The following CCDC158 variants were observed in gnomAD, a reference collection of about 807,000 sequenced individuals.
CCDC158 encodes the protein coiled-coil domain-containing protein 158.
In CCDC158, 116 loss-of-function variants were observed where a neutral mutation model predicts 138.6. That is an observed-to-expected ratio of 0.84 (90% CI 0.72 to 0.98). The LOEUF is 0.98. CCDC158 is among the 50% of genes least tolerant of loss of function. The probability of loss-of-function intolerance (pLI) is 0.00; values close to 1 mark genes in which losing one functional copy is unlikely to be tolerated. For synonymous variants in CCDC158, 436 were observed against 442.4 expected (o/e 0.99, Z 0.18); for missense variants, 1,265 against 1,306.1 (o/e 0.97, Z 0.48).
intron 18 of CCDC158, among the ~76,000 whole-genome samples, chr4:76,343,375 AG>A (rs1425269027): frequency 6.6e-6 from 1 of 152,234 alleles, no homozygotes; most frequent in Non-Finnish European, 1.5e-5. Context: ...TTAGGGCCTC[AG>A]TCTTAAATAT....
chr4:76,339,683 A>C (rs1470685388), intron 18 of CCDC158, among the ~76,000 whole-genome samples: 4 of 152,268 alleles, frequency 2.6e-5, no homozygotes. Context: ...TGGACAGAGC[A>C]GTTGCCATGA....
chr4:76,354,620 A>G (rs998191280), intron 15 of CCDC158, among the ~76,000 whole-genome samples: 12 of 152,226 alleles, frequency 7.9e-5, no homozygotes, highest in Admixed American at 2.6e-4. Flanking sequence ...GAGAACCACT[A>G]GGTCAAGGCA....
intron 6 of CCDC158, 65 bp downstream of exon 6, chr4:76,384,023 A>C: frequency 8.7e-7 from 1 of 1,149,668 alleles, no homozygotes; most frequent in South Asian, 1.6e-5. Flanking sequence ...AAAATTATAC[A>C]TCTAATGCTA....
At chr4:76,368,621 C>T (rs1724920355) in intron 11 of CCDC158, among the ~76,000 whole-genome samples, 1 of 152,104 alleles carries the variant, frequency 6.6e-6, no homozygotes, top group Admixed American at 6.5e-5. Context: ...GAAGGCAGTC[C>T]ACGTTTTGCT....
chr4:76,317,387 G>C (rs1018437626), intron 24 of CCDC158, among the ~76,000 whole-genome samples: 3 of 151,980 alleles, frequency 2.0e-5, no homozygotes, highest in African/African-American at 4.8e-5. Context: ...AAGACAAAGA[G>C]GGATATTATA....
At chr4:76,313,338 G>C (rs1719068432) in intron 24 of CCDC158, 92 bp from the exon 25 acceptor site, 1 of 670,092 alleles carries the variant, frequency 1.5e-6, no homozygotes, top group South Asian at 2.2e-5. Flanking sequence ...TGATAGTATA[G>C]AATAGACATG....
chr4:76,401,269 C>CA (rs1202286928), intron 3 of CCDC158: 2 of 472,958 alleles, frequency 4.2e-6, no homozygotes, highest in Non-Finnish European at 8.3e-6. Flanking sequence ...TGTTCCCAAA[C>CA]ACCCATCAGA....
chr4:76,415,525 T>C (rs940813955), intron 1 of CCDC158, among the ~76,000 whole-genome samples: 7 of 152,112 alleles, frequency 4.6e-5, no homozygotes, highest in African/African-American at 1.7e-4. Context: ...TATAATAAAA[T>C]ATACAAAATA....
chr4:76,341,908 A>G (rs1472645095), intron 18 of CCDC158, among the ~76,000 whole-genome samples: 2 of 152,240 alleles, frequency 1.3e-5, no homozygotes, highest in African/African-American at 2.4e-5. Flanking sequence ...ATGAAATACA[A>G]TAATAGTTCA....
At chr4:76,394,412 G>A (rs574054009) in intron 4 of CCDC158, among the ~76,000 whole-genome samples, 7 of 152,254 alleles carry the variant, frequency 4.6e-5, no homozygotes, top group African/African-American at 1.7e-4. Flanking sequence ...TTGCTTATTT[G>A]TGGGATCTAA....
chr4:76,324,097 T>C (rs942813322), intron 23 of CCDC158, among the ~76,000 whole-genome samples: 1 of 152,208 alleles, frequency 6.6e-6, no homozygotes, highest in African/African-American at 2.4e-5. Context: ...AATGGTTAAT[T>C]TTCTTATCAA....
chr4:76,342,788 T>A (rs1030804329), intron 18 of CCDC158, among the ~76,000 whole-genome samples: 7 of 152,180 alleles, frequency 4.6e-5, no homozygotes, highest in African/African-American at 1.7e-4. Context: ...AAAATGAAGT[T>A]AAAACTTACA....
chr4:76,369,679 A>G, intron 10 of CCDC158, 56 bp from the exon 11 acceptor site: 2 of 1,458,192 alleles, frequency 1.4e-6, no homozygotes, highest in Non-Finnish European at 1.9e-6. Context: ...TTAAGATAAA[A>G]CATATTGTCT....
At chr4:76,373,284 G>A (rs189789699) in intron 9 of CCDC158, among the ~76,000 whole-genome samples, 21 of 152,336 alleles carry the variant, frequency 1.4e-4, no homozygotes, top group East Asian at 3.9e-4. Context: ...CAATGAGAAC[G>A]TGTTGATACT....
rs138330260 is a variant in CCDC158, at chr4:76,376,085, C to A, written c.1029+3205G>T. Among the ~76,000 whole-genome samples the A allele has an allele frequency of 3.9e-3, 598 of 151,778 alleles. 3 individuals are homozygous for A. Among genetic ancestry groups the A allele is most frequent in the African/African-American group, 0.014 (568 of 41,338 alleles). On this transcript the variant is annotated intron_variant, in intron 9 of 24. Transcript: ENST00000682701. ...TTTTTTTTTTTCTGAGACAGGGTCACCCTCTATTGCCCAGGCTAAAGTGAG... is the reference window on the plus strand; with the variant it reads ...TTTTTTTTTTTCTGAGACAGGGTCAACCTCTATTGCCCAGGCTAAAGTGAG...
chr4:76,338,122 A>G (rs1314948035), intron 18 of CCDC158, among the ~76,000 whole-genome samples: 1 of 152,186 alleles, frequency 6.6e-6, no homozygotes, highest in Non-Finnish European at 1.5e-5. Context: ...CAGGAGATCT[A>G]GGTTGCACAC....
rs950717339 is a variant in CCDC158, at chr4:76,362,149, C to T, written c.1997G>A (p.Arg666Lys). 19 of 1,613,656 alleles carry T rather than the reference C, an allele frequency of 1.2e-5. No individual in the cohort carries two copies. The highest frequency in any genetic ancestry group is 8.8e-5 in the South Asian group (8 of 91,030). Residue 666 changes from arginine (R) to lysine (K), a missense_variant, in exon 13 of 25, where the codon AGG becomes AAG. Transcript: ENST00000682701. ...DQLLNEVKTS[R>K]SELNNLSEEY... is the part of the protein sequence containing the mutation. ...ACCTGAAAGATTGTTTAATTCACTCCTACTTGTTTTCACCTCATTTAATAA... is the reference window on the plus strand; with the variant it reads ...ACCTGAAAGATTGTTTAATTCACTCTTACTTGTTTTCACCTCATTTAATAA...
intron 24 of CCDC158, among the ~76,000 whole-genome samples, chr4:76,315,225 A>G (rs1719263518): frequency 1.3e-5 from 2 of 152,142 alleles, no homozygotes; most frequent in South Asian, 4.1e-4. Context: ...CTGGCCCAAG[A>G]ACCATCCTGC....
chr4:76,344,526 C>G, intron 18 of CCDC158: 1 of 879,580 alleles, frequency 1.1e-6, no homozygotes, highest in Non-Finnish European at 2.0e-6. Flanking sequence ...CCTGATGTGC[C>G]CCAGCTGGGA....
Sources: allele counts gnomAD v4.1 joint callset (sites outside exome capture counted in the v4.1 genomes callset), GRCh38; gene constraint gnomAD v4.1.1; transcripts MANE v1.5; gene names NCBI Gene and HGNC (gene_info 2026-07-23, HGNC 2026-07-21).